PDE9A: variants seen among roughly 807,000 people sequenced by gnomAD.
The protein encoded by PDE9A is phosphodiesterase 9A.
PDE9A carries 60 observed loss-of-function variants against 87.4 expected under a neutral mutation model. The observed-to-expected ratio is 0.69, with a 90% CI of 0.56 to 0.85. The LOEUF is 0.85. PDE9A is among the 40% of genes least tolerant of loss of function. The pLI is 0.00. For missense variants in PDE9A, 665 were observed against 779.0 expected (o/e 0.85, Z 1.74); for synonymous variants, 272 against 279.4 (o/e 0.97, Z 0.27).
intron 4 of PDE9A, among the ~76,000 whole-genome samples, chr21:42,721,225 G>C (rs1056000267): frequency 6.6e-6 from 1 of 152,116 alleles, no homozygotes; most frequent in Non-Finnish European, 1.5e-5. Flanking sequence ...ATTGCACCCA[G>C]TCAAATGTAA....
At position 42,722,928 on chromosome 21, in the gene PDE9A, G is replaced by A. The variant is rs2050672181; in HGVS notation, c.263-8842G>A. On this transcript the variant is annotated intron_variant, in intron 4 of 19. Transcript: ENST00000291539. The surrounding 1 kb of genome is among the most constrained non-coding windows in gnomAD (Gnocchi z 4.1). ...AACAATTCCTGGAAGAAGTGGGCGA[G>A]GCAGAGGCTTGAACTATCCACTCAG... Among the ~76,000 whole-genome samples, 1 of 152,236 alleles carries A rather than the reference G, an allele frequency of 6.6e-6. No individual in the cohort carries two copies. Among genetic ancestry groups the A allele is most frequent in the Non-Finnish European group, 1.5e-5 (1 of 68,038 alleles).
chr21:42,763,423 C>T (rs547958562), intron 14 of PDE9A, among the ~76,000 whole-genome samples: 66 of 152,220 alleles, frequency 4.3e-4, no homozygotes, highest in Admixed American at 8.5e-4. Context: ...AGGAGAAGGC[C>T]GCATGAAGAC....
chr21:42,654,588 G>A (rs2145741882), intron 1 of PDE9A, among the ~76,000 whole-genome samples: 1 of 152,290 alleles, frequency 6.6e-6, no homozygotes, highest in Admixed American at 6.5e-5. Flanking sequence ...CCAGGGAAAA[G>A]CCATTGTGAG....
At position 42,769,558 on chromosome 21, in the gene PDE9A, GCACACACACA is replaced by G. The variant is rs56998221; in HGVS notation, c.1590+412_1590+421del. On this transcript the variant is annotated intron_variant, in intron 17 of 19. Coordinates refer to ENST00000291539, the MANE Select transcript of PDE9A (RefSeq NM_002606.3). ...CACAGGCACACAAATGCACACACAG[GCACACACACA>G]CACACACATGCACACAGGTACACAC... is the stretch of plus-strand genomic sequence containing the variant. Among the ~76,000 whole-genome samples the G allele has an allele frequency of 6.9e-5, 9 of 130,124 alleles. 1 individual carries two copies. The highest frequency in any genetic ancestry group is 4.9e-4 in the South Asian group (2 of 4,044). 85.4% of individuals were successfully genotyped at this position (130,124 alleles called of 152,430 possible). A position where few individuals can be genotyped will look rare whatever the true frequency, so the allele number is the denominator to read the frequency against.
intron 8 of PDE9A, among the ~76,000 whole-genome samples, chr21:42,750,139 AAAAT>A (rs770085107): frequency 1.2e-4 from 18 of 152,090 alleles, no homozygotes; most frequent in African/African-American, 3.1e-4. Flanking sequence ...CTCTGTCTCA[AAAAT>A]AAATAAATAA....
At chr21:42,688,200 T>C (rs1157436985) in intron 3 of PDE9A, among the ~76,000 whole-genome samples, 1 of 152,104 alleles carries the variant, frequency 6.6e-6, no homozygotes, top group Non-Finnish European at 1.5e-5. Flanking sequence ...AAGATAACAA[T>C]TGCAGCCGTG....
chr21:42,768,491 A>G, intron 16 of PDE9A, 199 bp downstream of exon 16: 12 of 1,234,254 alleles, frequency 9.7e-6, no homozygotes, highest in South Asian at 2.0e-5. Flanking sequence ...GACAGTAACA[A>G]TCCAGAAAAG....
At chr21:42,726,624 A>ATATATATATATATT in intron 4 of PDE9A, among the ~76,000 whole-genome samples, 5 of 19,780 alleles carry the variant, frequency 2.5e-4, no homozygotes, top group Non-Finnish European at 3.7e-4. Flanking sequence ...ATATATATAT[A>ATATATATATATATT]TTTTTTTTTT....
intron 10 of PDE9A, among the ~76,000 whole-genome samples, chr21:42,755,510 G>C (rs748346616): frequency 1.7e-4 from 26 of 152,234 alleles, no homozygotes; most frequent in Non-Finnish European, 3.1e-4. Flanking sequence ...AGCTCTGAGA[G>C]TGCAGGACCG....
intron 8 of PDE9A, among the ~76,000 whole-genome samples, chr21:42,750,104 C>T (rs1217376894): frequency 6.6e-6 from 1 of 152,050 alleles, no homozygotes; most frequent in Non-Finnish European, 1.5e-5. Flanking sequence ...CGCCACTGCA[C>T]TCCAGCCTGG....
chr21:42,716,774 G>A (rs7275640), intron 4 of PDE9A, among the ~76,000 whole-genome samples: 82,279 of 125,404 alleles, frequency 0.66, 27,940 homozygotes, highest in East Asian at 0.95. Context: ...TTTTTGAGAC[G>A]GAGTCTCACT....
At chr21:42,770,878 G>C in intron 18 of PDE9A, 80 bp downstream of exon 18, 1 of 1,099,540 alleles carries the variant, frequency 9.1e-7, no homozygotes, top group South Asian at 1.3e-5. Flanking sequence ...CCAGAAGCTT[G>C]GACGTGCCAA....
chr21:42,744,778 C>T (rs558895897), intron 8 of PDE9A, among the ~76,000 whole-genome samples: 7 of 152,308 alleles, frequency 4.6e-5, no homozygotes, highest in African/African-American at 1.7e-4. Context: ...GGATGAACCA[C>T]GACCAAACTG....
chr21:42,733,183 T>C (rs550062629), intron 6 of PDE9A, among the ~76,000 whole-genome samples, 173 bp from the exon 7 acceptor site: 1 of 152,314 alleles, frequency 6.6e-6, no homozygotes, highest in Admixed American at 6.5e-5. Context: ...CCATGGGACA[T>C]GATGATTTCT....
chr21:42,683,342 G>A (rs1325900727), intron 1 of PDE9A, among the ~76,000 whole-genome samples: 2 of 152,240 alleles, frequency 1.3e-5, no homozygotes, highest in African/African-American at 2.4e-5. Flanking sequence ...GCTTACTGCG[G>A]TCCTTTTCCA....
chr21:42,687,829 T>C lies in PDE9A; in HGVS notation c.141-88T>C, dbSNP rs929129297. The stretch of plus-strand genomic sequence containing the variant: ...GCTGGTCCTGGGACTGTCCTGGTTG[T>C]CTCAGGGCTCTGGCCCCATGTGTAC... On this transcript the variant is annotated intron_variant, in intron 2 of 19. Coordinates refer to ENST00000291539, the MANE Select transcript of PDE9A (RefSeq NM_002606.3). 98 of 1,150,504 alleles carry C rather than the reference T, an allele frequency of 8.5e-5. No homozygotes were observed. In the African/African-American group the frequency reaches 1.3e-3, roughly 15 times the overall value. The allele number at this position is 1,150,504 out of a possible 1,614,324, so 71.3% of individuals were successfully genotyped here.
chr21:42,733,492 G>C, intron 7 of PDE9A, 66 bp downstream of exon 7: 1 of 888,296 alleles, frequency 1.1e-6, no homozygotes, highest in South Asian at 1.3e-5. Flanking sequence ...TTAACCACTT[G>C]GAACGGGGAG....
At chr21:42,709,329 G>T (rs1287976790) in intron 4 of PDE9A, among the ~76,000 whole-genome samples, 1 of 152,172 alleles carries the variant, frequency 6.6e-6, no homozygotes, top group Non-Finnish European at 1.5e-5. Flanking sequence ...AGAGCATCAG[G>T]ATAAATAGCT....
rs776529980 is a variant in PDE9A at position 42,731,799 on chromosome 21, C to T, written c.292C>T (p.Arg98Cys). ...AGVEDKRTTS[R>C]GQSAERPLRD... is the part of the protein sequence containing the mutation. ...TGTCGAGGACAAGAGAACCACAAGC[C>T]GTGGCCAGTCTGCTGAGAGACCACT... The change falls in exon 5 of 20, where the codon CGT (arginine) becomes TGT (cysteine). Residue 98 changes from arginine to cysteine, a missense_variant. Transcript: ENST00000291539. 7 of 1,613,954 alleles carry T rather than the reference C, an allele frequency of 4.3e-6. No homozygotes were observed. In the African/African-American group the frequency reaches 5.3e-5, roughly 12 times the overall value.
Sources: allele counts gnomAD v4.1 joint callset (sites outside exome capture counted in the v4.1 genomes callset), GRCh38; gene constraint gnomAD v4.1.1; non-coding constraint Gnocchi (gnomAD v3.1); transcripts MANE v1.5; gene names NCBI Gene and HGNC (gene_info 2026-07-23, HGNC 2026-07-21).